ARX: variants seen among roughly 807,000 people sequenced by gnomAD.
ARX encodes the protein homeobox protein ARX.
A neutral mutation model predicts 23.1 loss-of-function variants in ARX; 1 was observed. The ratio of observed to expected loss-of-function variants is 0.04; its 90% CI spans 0.02 to 0.21. The LOEUF (loss-of-function observed/expected upper bound fraction) is 0.21, where lower values mean the gene tolerates loss of function less well. Among genes scored for constraint, ARX ranks in the 10% least tolerant of loss-of-function variants. The pLI is 1.00. For synonymous variants in ARX, 301 were observed against 270.1 expected, an observed-to-expected ratio of 1.11 and a Z score of -1.12; for missense variants, 380 against 527.5, an observed-to-expected ratio of 0.72 and a Z score of 2.74.
At chrX:25,010,399 G>T in intron 2 of ARX, 94 bp from the exon 3 acceptor site, 2 of 1,058,031 alleles carry the variant, frequency 1.9e-6, no homozygotes, top group Non-Finnish European at 1.3e-6. Flanking sequence ...TACTCCACCA[G>T]GGTCTCCCCT....
chrX:25,015,395 A>T, intron 1 of ARX, 147 bp downstream of exon 1: 1 of 767,468 alleles, frequency 1.3e-6, no homozygotes, highest in Non-Finnish European at 1.9e-6. Context: ...TAGATGTTTA[A>T]CGCTCTTTGA....
Position 25,007,171 on chromosome X carries a change from C to T in ARX, c.1388G>A (p.Ser463Asn), listed in dbSNP as rs763950769. 1.1e-5 allele frequency: 13 copies of T among 1,195,963 alleles called. No homozygotes were observed. The highest frequency in any genetic ancestry group is 3.7e-5 in the South Asian group (2 of 54,588). ...GAACACTGCCGCTCCGAGGAAAGTG[C>T]TCAGGCCCAGCGGCGCCCCGCTGGG... ...LPPSGAPLGL[S>N]TFLGAAVFRH... is the part of the protein sequence containing the mutation. Residue 463 changes from serine to asparagine, a missense_variant, in exon 4 of 5, where the codon AGC (serine) becomes AAC (asparagine). Ser to Asn is a conservative substitution (Grantham distance 46). This residue lies in a region of ARX where 121 missense variants were observed against 169.7 expected (regional missense o/e 0.71). Coordinates refer to ENST00000379044, the MANE Select transcript of ARX (RefSeq NM_139058.3).
chrX:25,015,865 G>T lies in ARX; in HGVS notation c.-128C>A. The T allele has an allele frequency of 1.3e-6, 1 of 775,570 alleles. No homozygotes were observed. The highest frequency in any genetic ancestry group is 2.0e-5 in the African/African-American group (1 of 48,824). 63.9% of individuals were successfully genotyped at this position (775,570 alleles called of 1,213,427 possible). On this transcript the variant is annotated 5_prime_UTR_variant, in exon 1 of 5. Coordinates refer to ENST00000379044, the MANE Select transcript of ARX (RefSeq NM_139058.3). The stretch of plus-strand genomic sequence containing the variant: ...TATAACGGATATTATTGCGATCTTT[G>T]TGCCTTTCTGCCTCCCTTGGTTGCC...
chrX:25,015,835 C>A lies in ARX; in HGVS notation c.-98G>T. ...GTGTGTTGGGGGTGGGGTTAGATAGCGGGTTATAACGGATATTATTGCGAT... is the reference window on the plus strand; with the variant it reads ...GTGTGTTGGGGGTGGGGTTAGATAGAGGGTTATAACGGATATTATTGCGAT... On this transcript the variant is annotated 5_prime_UTR_variant, in exon 1 of 5. Transcript: ENST00000379044. The A allele has an allele frequency of 2.3e-6, 2 of 875,223 alleles. No homozygotes were observed. The highest frequency in any genetic ancestry group is 3.3e-6 in the Non-Finnish European group (2 of 610,155). The allele number at this position is 875,223 out of a possible 1,213,427, so 72.1% of individuals were successfully genotyped here.
intron 3 of ARX, among the ~76,000 whole-genome samples, chrX:25,009,565 G>T (rs2048693249): frequency 8.9e-6 from 1 of 111,838 alleles, no homozygotes; most frequent in Non-Finnish European, 1.9e-5. Flanking sequence ...GGGGACATCT[G>T]TTTTCTGTTG....
Position 25,005,524 on chromosome X carries a change from G to A in ARX, c.1449-614C>T, listed in dbSNP as rs185926082. On this transcript the variant is annotated intron_variant, in intron 4 of 4. Coordinates refer to ENST00000379044, the MANE Select transcript of ARX (RefSeq NM_139058.3). ...CGGCCGCCCTTCCGCGCGGGACTCA[G>A]CTACCCGCGTCTGGCCAGCGCCTGC... Among the ~76,000 whole-genome samples the A allele has an allele frequency of 9.2e-3, 1,035 of 112,602 alleles. 10 individuals are homozygous for A. The highest frequency in any genetic ancestry group is 0.031 in the African/African-American group (957 of 31,103).
At position 25,015,846 on chromosome X, in the gene ARX, G is replaced by A; in HGVS notation, c.-109C>T. 1.2e-6 allele frequency: 1 copy of A among 841,904 alleles called. No individual in the cohort carries two copies. Among genetic ancestry groups the A allele is most frequent in the Non-Finnish European group, 1.7e-6 (1 of 582,138 alleles). 69.4% of individuals were successfully genotyped at this position (841,904 alleles called of 1,213,427 possible). ...GTGGGGTTAGATAGCGGGTTATAAC[G>A]GATATTATTGCGATCTTTGTGCCTT... is the stretch of plus-strand genomic sequence containing the variant. On this transcript the variant is annotated 5_prime_UTR_variant, in exon 1 of 5. Transcript: ENST00000379044.
intron 4 of ARX, among the ~76,000 whole-genome samples, chrX:25,006,861 TCGGTTGTCA>T (rs1056432165): frequency 9.7e-4 from 108 of 111,781 alleles, no homozygotes; most frequent in African/African-American, 3.4e-3. Flanking sequence ...GCTTTCATTC[TCGGTTGTCA>T]CGGTTGTCGT....
intron 2 of ARX, among the ~76,000 whole-genome samples, chrX:25,011,835 G>C (rs1375041348): frequency 1.8e-5 from 2 of 112,927 alleles, no homozygotes; most frequent in Non-Finnish European, 3.8e-5. Flanking sequence ...GAAAAGCTGC[G>C]CACGTCTCCT....
chrX:25,013,365 G>T lies in ARX; in HGVS notation c.630C>A (p.Gly210=). The T allele has an allele frequency of 8.8e-7, 1 of 1,142,616 alleles. No individual in the cohort carries two copies. The highest frequency in any genetic ancestry group is 2.0e-5 in the South Asian group (1 of 51,004). 94.2% of individuals were successfully genotyped at this position (1,142,616 alleles called of 1,213,427 possible). A position where few individuals can be genotyped will look rare whatever the true frequency, so the allele number is the denominator to read the frequency against. Residue 210 remains glycine, a synonymous_variant, in exon 2 of 5, where the codon GGC becomes GGA. Coordinates refer to ENST00000379044, the MANE Select transcript of ARX (RefSeq NM_139058.3). ...CACCCGCAGCCGGGGCGCTGCCCGG[G>T]CCGCCGGCCACGCCGAGGCGCTCCT... ...HPEERLGVAG[G]PGSAPAAGGG...
chrX:25,010,432 A>G, intron 2 of ARX, 127 bp from the exon 3 acceptor site: 1 of 766,728 alleles, frequency 1.3e-6, no homozygotes, highest in African/African-American at 2.1e-5. Context: ...CCCACCCCCA[A>G]ACATATGGGC....
In ARX at chrX:25,004,158, T is replaced by G. The variant is rs2048666087; in HGVS notation, c.*512A>C. 1 of 116,129 alleles carries G rather than the reference T, an allele frequency of 8.6e-6. No homozygotes were observed. The highest frequency in any genetic ancestry group is 1.7e-5 in the Non-Finnish European group (1 of 57,183). 9.6% of individuals were successfully genotyped at this position (116,129 alleles called of 1,213,427 possible). A position where few individuals can be genotyped will look rare whatever the true frequency, so the allele number is the denominator to read the frequency against. ...GAACAAGACGCCCCTTTCCTTTAAG[T>G]GCACTGTTAGCTATCTTACAGGCTC... On this transcript the variant is annotated 3_prime_UTR_variant, in exon 5 of 5. Coordinates refer to ENST00000379044, the MANE Select transcript of ARX (RefSeq NM_139058.3).
chrX:25,013,656 C>CGCT lies in ARX; in HGVS notation c.336_338dup (p.Ala115dup). 1 of 770,585 alleles carries CGCT rather than the reference C, an allele frequency of 1.3e-6. No homozygotes were observed. Among genetic ancestry groups the CGCT allele is most frequent in the Non-Finnish European group, 1.5e-6 (1 of 652,726 alleles). 63.5% of individuals were successfully genotyped at this position (770,585 alleles called of 1,213,427 possible). A position where few individuals can be genotyped will look rare whatever the true frequency, so the allele number is the denominator to read the frequency against. On this transcript the variant is annotated inframe_insertion, in exon 2 of 5. Transcript: ENST00000379044. ...GTGGACCCGCCGTGGCCGTGGCGGCCGCTGCCGCCGCCGCCGCCGCCGCCG... is the reference window on the plus strand; with the variant it reads ...GTGGACCCGCCGTGGCCGTGGCGGCCGCTGCTGCCGCCGCCGCCGCCGCCGCCG...
In ARX at chrX:25,004,488, G is replaced by C; in HGVS notation, c.*182C>G. ...GGGCGGGTGGACAGCCAGCCGAGGA[G>C]GTGCCACGTCCCGGAGCGCCGAGGG... On this transcript the variant is annotated 3_prime_UTR_variant, in exon 5 of 5. Coordinates refer to ENST00000379044, the MANE Select transcript of ARX (RefSeq NM_139058.3). 1 of 809,401 alleles carries C rather than the reference G, an allele frequency of 1.2e-6. No individual in the cohort carries two copies. Among genetic ancestry groups the C allele is most frequent in the Non-Finnish European group, 1.7e-6 (1 of 578,576 alleles). 66.7% of individuals were successfully genotyped at this position (809,401 alleles called of 1,213,427 possible).
Position 25,012,945 on chromosome X carries a change from C to G in ARX, c.1050G>C (p.Thr350=). 1 of 1,206,386 alleles carries G rather than the reference C, an allele frequency of 8.3e-7. No homozygotes were observed. The highest frequency in any genetic ancestry group is 1.1e-6 in the Non-Finnish European group (1 of 893,265). Reference sequence around the variant, plus strand: ...ACCTGGTGAAGACGTCCGGGTAGTGCGTCTTCTGGAAGGCCCGCTCCAGTT... The same window carrying G: ...ACCTGGTGAAGACGTCCGGGTAGTGGGTCTTCTGGAAGGCCCGCTCCAGTT... ...LEELERAFQK[T]HYPDVFTREE... The change falls in exon 2 of 5, where the codon ACG becomes ACC. Residue 350 remains threonine (T), a synonymous_variant. Transcript: ENST00000379044.
intron 4 of ARX, among the ~76,000 whole-genome samples, chrX:25,005,641 G>T (rs763362737): frequency 1.3e-4 from 15 of 112,660 alleles, no homozygotes; most frequent in African/African-American, 4.8e-4. Flanking sequence ...GGCGACCCCA[G>T]CTGTCTTCCC....
chrX:25,010,194 C>CCACAAA, intron 3 of ARX, 66 bp downstream of exon 3: 1 of 1,109,950 alleles, frequency 9.0e-7, no homozygotes, highest in Non-Finnish European at 1.2e-6. Context: ...GCCACCAACC[C>CCACAAA]ATCTCTCTCT....
At chrX:25,007,870 G>A (rs753664128) in intron 3 of ARX, among the ~76,000 whole-genome samples, 3 of 111,146 alleles carry the variant, frequency 2.7e-5, no homozygotes, top group Non-Finnish European at 5.7e-5. Flanking sequence ...GCTGTTATGA[G>A]AACTGGGTAA....
rs1556055232 is a variant in ARX at position 25,013,150 on chromosome X, A to T, written c.845T>A (p.Val282Glu). The change falls in exon 2 of 5, where the codon GTG becomes GAG. Residue 282 changes from valine (V) to glutamate (E), a missense_variant. By Grantham distance (121) the Val-to-Glu change is moderately radical. Transcript: ENST00000379044. ...TGACAGCTCCCCGCCCTCTGTGGCC[A>T]CTGCAGCGGCAGCTGCTGCGGCCAC... Reference protein sequence around the residue: ...GAVAAAAAAAVATEGGELSPK... With the variant: ...GAVAAAAAAAEATEGGELSPK... 2.5e-6 allele frequency: 3 copies of T among 1,198,162 alleles called. No individual in the cohort carries two copies. Among genetic ancestry groups the T allele is most frequent in the Non-Finnish European group, 3.4e-6 (3 of 889,804 alleles).
Sources: gnomAD v4.1 joint callset for allele counts (sites outside exome capture counted in the v4.1 genomes callset) on GRCh38, gnomAD v4.1.1 for gene constraint, gnomAD v4.1.1 regional missense constraint, MANE v1.5 for transcripts, NCBI Gene and HGNC (gene_info 2026-07-23, HGNC 2026-07-21) for gene names.